SCNM1: variants seen among roughly 807,000 people sequenced by gnomAD.
The protein encoded by SCNM1 is sodium channel modifier 1.
In SCNM1, 24 loss-of-function variants were observed where a neutral mutation model predicts 32.8. The observed-to-expected ratio is 0.73, with a 90% CI of 0.53 to 1.03. SCNM1 has a LOEUF of 1.03. Ranked by LOEUF, SCNM1 falls within the 50% of genes least tolerant of loss-of-function variation. SCNM1 has a pLI of 0.00. For synonymous variants in SCNM1, 99 were observed against 103.2 expected, an observed-to-expected ratio of 0.96 and a Z score of 0.25; for missense variants, 274 against 282.3, an observed-to-expected ratio of 0.97 and a Z score of 0.21.
rs1185171555 is a variant in SCNM1, at chr1:151,170,294, C to G, written c.*1209C>G. ...CAAATAAAATTACGATACCTCTAAA[C>G]AAGTATGATTATCTCTGGCATCCTT... On this transcript the variant is annotated 3_prime_UTR_variant, in exon 7 of 7. Transcript: ENST00000368905. The G allele has an allele frequency of 2.4e-6, 2 of 845,500 alleles. No homozygotes were observed. Among genetic ancestry groups the G allele is most frequent in the Non-Finnish European group, 3.7e-6 (2 of 539,036 alleles). The allele number at this position is 845,500 out of a possible 1,614,324, so 52.4% of individuals were successfully genotyped here. A position where few individuals can be genotyped will look rare whatever the true frequency, so the allele number is the denominator to read the frequency against.
intron 5 of SCNM1, 72 bp downstream of exon 5, chr1:151,167,486 T>G: frequency 6.3e-7 from 1 of 1,578,866 alleles, no homozygotes; most frequent in Non-Finnish European, 8.7e-7. Context: ...TTTTCCAGTG[T>G]GTATTCTGAG....
chr1:151,169,826 G>C lies in SCNM1; in HGVS notation c.*741G>C, dbSNP rs1683888535. 2 of 517,650 alleles carry C rather than the reference G, an allele frequency of 3.9e-6. No individual in the cohort carries two copies. Among genetic ancestry groups the C allele is most frequent in the South Asian group, 4.3e-5 (2 of 46,726 alleles). 32.1% of individuals were successfully genotyped at this position (517,650 alleles called of 1,614,324 possible). Reference sequence around the variant, plus strand: ...CAAAAGGCATTGGCAGGGTTATGGGGAACACCAAGGGAGGGAACACCCCCA... The same window carrying C: ...CAAAAGGCATTGGCAGGGTTATGGGCAACACCAAGGGAGGGAACACCCCCA... On this transcript the variant is annotated 3_prime_UTR_variant, in exon 7 of 7. Transcript: ENST00000368905.
At position 151,170,140 on chromosome 1, in the gene SCNM1, C is replaced by T; in HGVS notation, c.*1055C>T. 6.2e-7 allele frequency: 1 copy of T among 1,613,668 alleles called. No individual in the cohort carries two copies. Among genetic ancestry groups the T allele is most frequent in the Non-Finnish European group, 8.5e-7 (1 of 1,179,688 alleles). The stretch of plus-strand genomic sequence containing the variant: ...CAATATTAAACATAAGTGTTTGTTC[C>T]AGCTCCTGCTTTCTGCAAAGGCACT... On this transcript the variant is annotated 3_prime_UTR_variant, in exon 7 of 7. Coordinates refer to ENST00000368905, the MANE Select transcript of SCNM1 (RefSeq NM_024041.4).
chr1:151,169,062 C>A lies in SCNM1; in HGVS notation c.670C>A (p.Pro224Thr). 6.2e-7 allele frequency: 1 copy of A among 1,614,030 alleles called. No homozygotes were observed. The highest frequency in any genetic ancestry group is 8.5e-7 in the Non-Finnish European group (1 of 1,180,000). The change falls in exon 7 of 7, where the codon CCA (proline) becomes ACA (threonine). Residue 224 changes from proline (P) to threonine (T), a missense_variant. By Grantham distance (38) the Pro-to-Thr change is conservative. Coordinates refer to ENST00000368905, the MANE Select transcript of SCNM1 (RefSeq NM_024041.4). ...NVEFDSDEEEPPDLPLD is the reference protein window; with the variant it reads ...NVEFDSDEEETPDLPLD ...TGAGTTTGACTCTGATGAGGAGGAA[C>A]CACCTGATCTCCCCTTGGACTGATA...
At position 151,170,253 on chromosome 1, in the gene SCNM1, A is replaced by G; in HGVS notation, c.*1168A>G. On this transcript the variant is annotated 3_prime_UTR_variant, in exon 7 of 7. Coordinates refer to ENST00000368905, the MANE Select transcript of SCNM1 (RefSeq NM_024041.4). ...GCCCATCCCACATTAACAAAACAAAACAAGAAACCACACCACAAATAAAAT... is the reference window on the plus strand; with the variant it reads ...GCCCATCCCACATTAACAAAACAAAGCAAGAAACCACACCACAAATAAAAT... 1 of 913,598 alleles carries G rather than the reference A, an allele frequency of 1.1e-6. No individual in the cohort carries two copies. The highest frequency in any genetic ancestry group is 1.6e-5 in the South Asian group (1 of 61,880). 56.6% of individuals were successfully genotyped at this position (913,598 alleles called of 1,614,324 possible). A position where few individuals can be genotyped will look rare whatever the true frequency, so the allele number is the denominator to read the frequency against.
rs1348742514 is a variant in SCNM1, at chr1:151,167,388, T to C, written c.372T>C (p.Tyr124=). The C allele has an allele frequency of 3.1e-6, 5 of 1,613,954 alleles. No homozygotes were observed. The highest frequency in any genetic ancestry group is 4.2e-6 in the Non-Finnish European group (5 of 1,180,018). ...GTGCTCTGCACAGAGCTCCCCACTA[T>C]AACAGTTGCTGCCGCCGGAAGTACA... ...TQSALHRAPH[Y]NSCCRRKYRP... is the part of the protein sequence containing the mutation. The change falls in exon 5 of 7, where the codon TAT becomes TAC. Residue 124 remains tyrosine, a synonymous_variant. Coordinates refer to ENST00000368905, the MANE Select transcript of SCNM1 (RefSeq NM_024041.4).
chr1:151,166,462 T>C lies in SCNM1; in HGVS notation c.52-9T>C, dbSNP rs41269644. ...ATCCCGTCCGGATTTCTTCCCCTAC[T>C]CCCTGCAGAAAAGAAGAGTCGGGGA... On this transcript the variant is annotated splice_polypyrimidine_tract_variant and intron_variant, in intron 1 of 6. Coordinates refer to ENST00000368905, the MANE Select transcript of SCNM1 (RefSeq NM_024041.4). The C allele has an allele frequency of 5.2e-3, 8,457 of 1,613,892 alleles. 41 individuals carry two copies. Among genetic ancestry groups the C allele is most frequent in the Middle Eastern group, 0.011 (66 of 6,062 alleles).
chr1:151,169,121 TG>T lies in SCNM1; in HGVS notation c.*39del. 1 of 1,612,708 alleles carries T rather than the reference TG, an allele frequency of 6.2e-7. No individual in the cohort carries two copies. Among genetic ancestry groups the T allele is most frequent in the African/African-American group, 1.3e-5 (1 of 75,012 alleles). On this transcript the variant is annotated 3_prime_UTR_variant, in exon 7 of 7. Coordinates refer to ENST00000368905, the MANE Select transcript of SCNM1 (RefSeq NM_024041.4). ...CCATTCATTCACAAATAAATTACAA[TG>T]GGTGCTGAGAACTTAACTTTCCTTA...
Position 151,167,326 on chromosome 1 carries a change from G to C in SCNM1, c.310G>C (p.Ala104Pro). 2 of 1,614,122 alleles carry C rather than the reference G, an allele frequency of 1.2e-6. No homozygotes were observed. The highest frequency in any genetic ancestry group is 1.3e-5 in the African/African-American group (1 of 75,042). ...ELRREETKAE[A>P]PLLTQTRLIT... ...ACTCTGTCTCCCATCTCCTTACCAG[G>C]CTCCTCTGCTAACTCAGACACGACT... Residue 104 changes from alanine (A) to proline (P), a missense_variant and splice_region_variant, in exon 5 of 7, where the codon GCT becomes CCT. Coordinates refer to ENST00000368905, the MANE Select transcript of SCNM1 (RefSeq NM_024041.4).
chr1:151,166,725 C>T (rs920498909), intron 2 of SCNM1, 184 bp downstream of exon 2: 6 of 1,233,250 alleles, frequency 4.9e-6, no homozygotes, highest in East Asian at 2.5e-5. Context: ...CATGCCACCA[C>T]GCCTGGCTTC....
chr1:151,166,626 G>A (rs2101700519), intron 2 of SCNM1, 85 bp downstream of exon 2: 1 of 1,536,826 alleles, frequency 6.5e-7, no homozygotes, highest in South Asian at 1.2e-5. Context: ...TGAGACGGAG[G>A]TCTCGCGGTG....
At chr1:151,167,044 A>T in intron 3 of SCNM1, 22 bp downstream of exon 3, 1 of 1,614,150 alleles carries the variant, frequency 6.2e-7, no homozygotes, top group Non-Finnish European at 8.5e-7. Context: ...GGAAGACGGG[A>T]TGGGGAATAA....
At position 151,170,267 on chromosome 1, in the gene SCNM1, C is replaced by T. The variant is rs1683904659; in HGVS notation, c.*1182C>T. The T allele has an allele frequency of 2.2e-6, 2 of 888,986 alleles. No individual in the cohort carries two copies. Among genetic ancestry groups the T allele is most frequent in the Non-Finnish European group, 3.5e-6 (2 of 576,360 alleles). 55.1% of individuals were successfully genotyped at this position (888,986 alleles called of 1,614,324 possible). A position where few individuals can be genotyped will look rare whatever the true frequency, so the allele number is the denominator to read the frequency against. ...AACAAAACAAAACAAGAAACCACAC[C>T]ACAAATAAAATTACGATACCTCTAA... is the stretch of plus-strand genomic sequence containing the variant. On this transcript the variant is annotated 3_prime_UTR_variant, in exon 7 of 7. Transcript: ENST00000368905.
rs1383609593 is a variant in SCNM1 at position 151,168,283 on chromosome 1, G to C, written c.538G>C (p.Ala180Pro). 3 of 1,613,974 alleles carry C rather than the reference G, an allele frequency of 1.9e-6. No individual in the cohort carries two copies. The African/African-American group carries it at 4.0e-5, about 22-fold the overall frequency. ...GGAGTCAGCAACTGTCTCAGCCCCT[G>C]CACCCATGAGCCCCACAAGAAGACG... is the stretch of plus-strand genomic sequence containing the variant. Reference protein sequence around the residue: ...AEESATVSAPAPMSPTRRRAL... With the variant: ...AEESATVSAPPPMSPTRRRAL... Residue 180 changes from alanine to proline, a missense_variant, in exon 6 of 7, where the codon GCA becomes CCA. Transcript: ENST00000368905.
At chr1:151,166,366 C>T in intron 1 of SCNM1, 105 bp from the exon 2 acceptor site, 1 of 1,555,988 alleles carries the variant, frequency 6.4e-7, no homozygotes, top group Non-Finnish European at 8.7e-7. Flanking sequence ...CGCTGTTCTC[C>T]CCAGGGTCCT....
Position 151,169,195 on chromosome 1 carries a change from A to C in SCNM1, c.*110A>C. On this transcript the variant is annotated 3_prime_UTR_variant, in exon 7 of 7. Transcript: ENST00000368905. ...CAGGATTTCAGATCTGTTCATTCTC[A>C]TTCCAACTACTCCTTGCCTGCAAGG... The C allele has an allele frequency of 6.5e-6, 8 of 1,223,170 alleles. No homozygotes were observed. Among genetic ancestry groups the C allele is most frequent in the Non-Finnish European group, 8.1e-6 (7 of 863,704 alleles). The allele number at this position is 1,223,170 out of a possible 1,614,324, so 75.8% of individuals were successfully genotyped here.
At chr1:151,167,439 A>G in intron 5 of SCNM1, 25 bp downstream of exon 5, 2 of 1,613,902 alleles carry the variant, frequency 1.2e-6, no homozygotes, top group Non-Finnish European at 1.7e-6. Flanking sequence ...AGCCAGAGGT[A>G]GGAAGGCTCA....
rs1329187685 is a variant in SCNM1 at position 151,166,167 on chromosome 1, G to A, written c.15G>A (p.Arg5=). The A allele has an allele frequency of 1.2e-6, 2 of 1,606,762 alleles. No individual in the cohort carries two copies. The highest frequency in any genetic ancestry group is 1.3e-5 in the African/African-American group (1 of 74,840). ...TCACAGTCGTGATGTCTTTCAAGAG[G>A]GAAGGAGACGATTGGAGTCAACTCA... MSFK[R]EGDDWSQLNV... The change falls in exon 1 of 7, where the codon AGG becomes AGA. Residue 5 remains arginine (R), a synonymous_variant. Transcript: ENST00000368905.
In SCNM1 at chr1:151,166,479, A is replaced by T. The variant is rs200008060; in HGVS notation, c.60A>T (p.Arg20Ser). 6.1e-5 allele frequency: 99 copies of T among 1,613,968 alleles called. No homozygotes were observed. The highest frequency in any genetic ancestry group is 8.1e-5 in the Non-Finnish European group (96 of 1,180,018). Residue 20 changes from arginine (R) to serine (S), a missense_variant, in exon 2 of 7, where the codon AGA becomes AGT. Coordinates refer to ENST00000368905, the MANE Select transcript of SCNM1 (RefSeq NM_024041.4). ...WSQLNVLKKRRVGDLLASYIP... is the reference protein window; with the variant it reads ...WSQLNVLKKRSVGDLLASYIP... ...TCCCCTACTCCCTGCAGAAAAGAAG[A>T]GTCGGGGACCTCCTAGCCAGTTACA...
Sources: allele counts gnomAD v4.1 joint callset, GRCh38; gene constraint gnomAD v4.1.1; transcripts MANE v1.5; gene names NCBI Gene and HGNC (gene_info 2026-07-23, HGNC 2026-07-21).